SLC24A2: variants seen among roughly 807,000 people sequenced by gnomAD.
SLC24A2 encodes the protein solute carrier family 24 member 2.
In SLC24A2, 36 loss-of-function variants were observed where a neutral mutation model predicts 62.0. The ratio of observed to expected loss-of-function variants is 0.58; its 90% CI spans 0.44 to 0.77. The LOEUF (loss-of-function observed/expected upper bound fraction) is 0.77. Among genes scored for constraint, SLC24A2 ranks in the 30% least tolerant of loss-of-function variants. The pLI, the probability that SLC24A2 is intolerant of heterozygous loss-of-function variation, is 0.00. For missense variants in SLC24A2, 846 were observed against 817.9 expected, an observed-to-expected ratio of 1.03 and a Z score of -0.42; for synonymous variants, 358 against 294.0, an observed-to-expected ratio of 1.22 and a Z score of -2.23.
the SLC24A2 span, among the ~76,000 whole-genome samples, chr9:20,028,215 G>C: frequency 1.3e-5 from 2 of 152,172 alleles, no homozygotes; most frequent in South Asian, 2.1e-4. Context: ...TTTGGGGTTT[G>C]ATAGACTTTG....
At chr9:20,307,100 A>T in the SLC24A2 span, among the ~76,000 whole-genome samples, 1 of 152,164 alleles carries the variant, frequency 6.6e-6, no homozygotes, top group Non-Finnish European at 1.5e-5. Flanking sequence ...GTTTACATCG[A>T]TCTTTAAAGG....
chr9:19,636,318 T>TCTTTTCTTTTCCTTC (rs1554690366), intron 2 of SLC24A2, among the ~76,000 whole-genome samples: 3 of 32,220 alleles, frequency 9.3e-5, no homozygotes, highest in Admixed American at 3.1e-4. Flanking sequence ...TCTTTTCTTT[T>TCTTTTCTTTTCCTTC]CTTTCTTTCT....
intron 9 of SLC24A2, among the ~76,000 whole-genome samples, chr9:19,526,294 A>G (rs758710208): frequency 1.3e-5 from 2 of 152,192 alleles, no homozygotes; most frequent in Non-Finnish European, 2.9e-5. Context: ...GTAATTATGA[A>G]TAATGCTACT....
the SLC24A2 span, among the ~76,000 whole-genome samples, chr9:20,019,202 GA>G: frequency 8.2e-6 from 1 of 122,348 alleles, no homozygotes; most frequent in East Asian, 2.5e-4. Flanking sequence ...AAGAAAGAAG[GA>G]AAAGAAAGAA....
At chr9:20,034,690 G>A in the SLC24A2 span, among the ~76,000 whole-genome samples, 1 of 152,062 alleles carries the variant, frequency 6.6e-6, no homozygotes, top group East Asian at 1.9e-4. Flanking sequence ...GGATGGTCTC[G>A]ATCTCCTGAA....
chr9:20,014,096 T>G, the SLC24A2 span, among the ~76,000 whole-genome samples: 1 of 152,114 alleles, frequency 6.6e-6, no homozygotes, highest in Non-Finnish European at 1.5e-5. Flanking sequence ...TAGTCTCAGC[T>G]ACTCAGAAGG....
chr9:19,996,428 A>T, the SLC24A2 span, among the ~76,000 whole-genome samples: 2 of 152,262 alleles, frequency 1.3e-5, no homozygotes, highest in East Asian at 3.9e-4. Context: ...CATCACATTC[A>T]TCACTCTTGG....
Position 19,511,231 on chromosome 9 carries a change from T to G in SLC24A2, c.*4922A>C, listed in dbSNP as rs1055688658. 6.6e-6 allele frequency: 1 copy of G among 152,136 alleles called. No individual in the cohort carries two copies. The highest frequency in any genetic ancestry group is 1.5e-5 in the Non-Finnish European group (1 of 68,030). 9.4% of individuals were successfully genotyped at this position (152,136 alleles called of 1,614,324 possible). The stretch of plus-strand genomic sequence containing the variant: ...CTGTGAGTAGTTCCCTTATTGCTTT[T>G]CTTGTTTGCTATATATTTAAAAAAT... On this transcript the variant is annotated 3_prime_UTR_variant, in exon 11 of 11. Transcript: ENST00000341998.
chr9:19,786,042 G>A lies in SLC24A2; in HGVS notation c.825C>T (p.Cys275=), dbSNP rs1224222324. The A allele has an allele frequency of 6.2e-7, 1 of 1,613,954 alleles. No individual in the cohort carries two copies. Among genetic ancestry groups the A allele is most frequent in the Non-Finnish European group, 8.5e-7 (1 of 1,179,982 alleles). The change falls in exon 2 of 11, where the codon TGC becomes TGT. Residue 275 remains cysteine (C), a synonymous_variant. Transcript: ENST00000341998. This position sits in a 1 kb window ranked among gnomAD's most constrained non-coding sequence, Gnocchi z 5.0. ...ESLLLLTAYF[C]YVVFMKFNVQ... The stretch of plus-strand genomic sequence containing the variant: ...CGTTGAATTTCATGAAAACCACATA[G>A]CAAAAATAAGCTGTTAAGAGAAGCA...
At chr9:20,206,670 C>T in the SLC24A2 span, among the ~76,000 whole-genome samples, 5 of 151,858 alleles carry the variant, frequency 3.3e-5, no homozygotes, top group Non-Finnish European at 5.9e-5. Flanking sequence ...TTAGTAGAGA[C>T]GGGGTTTCAC....
intron 2 of SLC24A2, among the ~76,000 whole-genome samples, chr9:19,741,440 C>T (rs1224562677): frequency 6.6e-6 from 1 of 152,140 alleles, no homozygotes; most frequent in Admixed American, 6.5e-5. Context: ...AATTCAATGG[C>T]GCAGTTTTTC....
At chr9:19,626,289 TC>T (rs1818033539) in intron 2 of SLC24A2, among the ~76,000 whole-genome samples, 1 of 152,216 alleles carries the variant, frequency 6.6e-6, no homozygotes, top group Admixed American at 6.5e-5. Context: ...TCCAGCTGCC[TC>T]AGGGCCACTC....
rs995326430 is a variant in SLC24A2 at position 19,715,346 on chromosome 9, C to T, written c.930+70591G>A. Reference sequence around the variant, plus strand: ...AAGATGATCAAAGATATTAACCCTGCCCCTTCAAGATTAGAGTCATAATTG... The same window carrying T: ...AAGATGATCAAAGATATTAACCCTGTCCCTTCAAGATTAGAGTCATAATTG... On this transcript the variant is annotated intron_variant, in intron 2 of 10. Transcript: ENST00000341998. Among the ~76,000 whole-genome samples, 3 of 152,116 alleles carry T rather than the reference C, an allele frequency of 2.0e-5. No homozygotes were observed. The East Asian group carries it at 5.8e-4, about 29-fold the overall frequency.
At chr9:20,143,307 A>G in the SLC24A2 span, among the ~76,000 whole-genome samples, 22 of 152,364 alleles carry the variant, frequency 1.4e-4, no homozygotes, top group African/African-American at 5.0e-4. Flanking sequence ...ATCTTGGGCC[A>G]TAGAGAAAAG....
At chr9:19,726,800 C>G (rs1821185332) in intron 2 of SLC24A2, among the ~76,000 whole-genome samples, 2 of 152,142 alleles carry the variant, frequency 1.3e-5, no homozygotes, top group East Asian at 3.8e-4. Context: ...TTGATCTATC[C>G]CAAGGCATAT....
intron 2 of SLC24A2, among the ~76,000 whole-genome samples, chr9:19,784,707 C>G (rs558125661): frequency 6.6e-6 from 1 of 152,216 alleles, no homozygotes; most frequent in Admixed American, 6.5e-5. Context: ...CATCTGAATG[C>G]TTGTTTGCCG....
chr9:19,680,594 T>C (rs968339463), intron 2 of SLC24A2, among the ~76,000 whole-genome samples: 18 of 123,768 alleles, frequency 1.5e-4, no homozygotes, highest in African/African-American at 5.0e-4. Flanking sequence ...GAAATGCAGA[T>C]AGTTCTATAA....
the SLC24A2 span, among the ~76,000 whole-genome samples, chr9:20,093,164 C>T: frequency 6.6e-6 from 1 of 151,886 alleles, no homozygotes; most frequent in South Asian, 2.1e-4. Flanking sequence ...CTCCACCTCC[C>T]AGGTTCAAAA....
At chr9:19,680,421 T>C (rs1819686546) in intron 2 of SLC24A2, among the ~76,000 whole-genome samples, 1 of 152,062 alleles carries the variant, frequency 6.6e-6, no homozygotes, top group Non-Finnish European at 1.5e-5. Context: ...AGGTCAGGGA[T>C]GAAAATGAAG....
Sources: allele counts gnomAD v4.1 joint callset (sites outside exome capture counted in the v4.1 genomes callset), GRCh38; gene constraint gnomAD v4.1.1; non-coding constraint Gnocchi (gnomAD v3.1); transcripts MANE v1.5; gene names NCBI Gene and HGNC (gene_info 2026-07-23, HGNC 2026-07-21).